The following ZNRF1 variants were observed in gnomAD, a reference collection of about 807,000 sequenced individuals.
The protein encoded by ZNRF1 is E3 ubiquitin-protein ligase ZNRF1.
A neutral mutation model predicts 18.4 loss-of-function variants in ZNRF1; 3 were observed. That is an observed-to-expected ratio of 0.16 (90% CI 0.07 to 0.42). ZNRF1 has a LOEUF of 0.42. Among genes scored for constraint, ZNRF1 ranks in the 10% least tolerant of loss-of-function variants. The pLI, the probability that ZNRF1 is intolerant of heterozygous loss-of-function variation, is 0.99. For synonymous variants in ZNRF1, 157 were observed against 144.2 expected, an observed-to-expected ratio of 1.09 and a Z score of -0.64; for missense variants, 310 against 329.8, an observed-to-expected ratio of 0.94 and a Z score of 0.47.
In ZNRF1 at chr16:75,101,134, A is replaced by C. The variant is rs552234888; in HGVS notation, c.521-3650A>C. Among the ~76,000 whole-genome samples the C allele has an allele frequency of 1.5e-3, 235 of 152,218 alleles. 3 individuals are homozygous for C. The highest frequency in any genetic ancestry group is 6.2e-4 in the Non-Finnish European group (42 of 67,994). On this transcript the variant is annotated intron_variant, in intron 2 of 4. Coordinates refer to ENST00000335325, the MANE Select transcript of ZNRF1 (RefSeq NM_032268.5). ...TTTTTAATAGAGACAGACTTTCACC[A>C]TGTTGGCCAGGCTGGTCTCAAACTC...
intron 1 of ZNRF1, among the ~76,000 whole-genome samples, chr16:75,000,691 C>T (rs12934479): frequency 0.31 from 47,294 of 152,082 alleles, 8,389 homozygotes; most frequent in East Asian, 0.61. Context: ...GAGGGCCCAG[C>T]CGGCGAGTCT....
intron 1 of ZNRF1, among the ~76,000 whole-genome samples, chr16:75,028,712 A>G (rs901042377): frequency 5.3e-5 from 8 of 152,220 alleles, no homozygotes; most frequent in African/African-American, 1.9e-4. Context: ...TCATCACTCA[A>G]TTGAAACAGC....
chr16:75,004,696 C>T (rs2034895906), intron 1 of ZNRF1, among the ~76,000 whole-genome samples: 1 of 152,148 alleles, frequency 6.6e-6, no homozygotes, highest in South Asian at 2.1e-4. Context: ...TCACTGTAGC[C>T]TCAAACTCTT....
chr16:75,003,696 C>G (rs562454937), intron 1 of ZNRF1, among the ~76,000 whole-genome samples: 1 of 152,268 alleles, frequency 6.6e-6, no homozygotes, highest in African/African-American at 2.4e-5. Flanking sequence ...CGCTGGCCTA[C>G]GAGTCAGAGT....
chr16:75,077,414 C>T (rs767357659), intron 1 of ZNRF1, among the ~76,000 whole-genome samples: 7 of 152,262 alleles, frequency 4.6e-5, no homozygotes, highest in African/African-American at 7.2e-5. Flanking sequence ...TGCCTGTAGT[C>T]CCAGCTATTC....
At chr16:75,104,763 T>A in intron 2 of ZNRF1, 21 bp from the exon 3 acceptor site, 1 of 1,578,484 alleles carries the variant, frequency 6.3e-7, no homozygotes, top group Non-Finnish European at 8.6e-7. Flanking sequence ...CCTCCTGCAC[T>A]CTCCCCTGTC....
At chr16:75,005,570 C>G (rs1472893656) in intron 1 of ZNRF1, among the ~76,000 whole-genome samples, 1 of 152,188 alleles carries the variant, frequency 6.6e-6, no homozygotes, top group African/African-American at 2.4e-5. Context: ...ATAGTAGTTA[C>G]TCCCTATCCA....
chr16:75,012,201 A>G (rs1230765171), intron 1 of ZNRF1, among the ~76,000 whole-genome samples: 1 of 152,252 alleles, frequency 6.6e-6, no homozygotes, highest in Non-Finnish European at 1.5e-5. Flanking sequence ...ACAGCAGAAT[A>G]GAACAGAGAA....
intron 1 of ZNRF1, among the ~76,000 whole-genome samples, chr16:75,074,616 C>T (rs1018493725): frequency 7.2e-5 from 11 of 152,154 alleles, no homozygotes; most frequent in Admixed American, 1.3e-4. Flanking sequence ...CAAGACGACA[C>T]GCTTGAACTG....
At chr16:75,025,653 C>A (rs1234538752) in intron 1 of ZNRF1, among the ~76,000 whole-genome samples, 1 of 152,208 alleles carries the variant, frequency 6.6e-6, no homozygotes, top group African/African-American at 2.4e-5. Context: ...ACCCCCACTG[C>A]AGAGGACATT....
At chr16:75,019,162 C>CA (rs1384654061) in intron 1 of ZNRF1, among the ~76,000 whole-genome samples, 3 of 151,252 alleles carry the variant, frequency 2.0e-5, no homozygotes, top group Admixed American at 2.0e-4. Context: ...TGAGACGTCT[C>CA]AAAAAACAAA....
At chr16:75,049,253 C>G (rs1389702961) in intron 1 of ZNRF1, among the ~76,000 whole-genome samples, 1 of 152,144 alleles carries the variant, frequency 6.6e-6, no homozygotes, top group Non-Finnish European at 1.5e-5. Context: ...GATCTGCCCG[C>G]TTTGGCCCCC....
In ZNRF1 at chr16:75,023,738, A is replaced by G. The variant is rs545833113; in HGVS notation, c.424+23643A>G. ...AAAGGTCACACCAGCCTGGGCCCCA[A>G]CAAGCTATGTAGGAGGGAAGAGCCA... On this transcript the variant is annotated intron_variant, in intron 1 of 4. Coordinates refer to ENST00000335325, the MANE Select transcript of ZNRF1 (RefSeq NM_032268.5). Among the ~76,000 whole-genome samples, 22 of 152,130 alleles carry G rather than the reference A, an allele frequency of 1.4e-4. No individual in the cohort carries two copies. The South Asian group carries it at 3.5e-3, about 24-fold the overall frequency.
chr16:75,094,831 G>C (rs1375111349), intron 2 of ZNRF1, among the ~76,000 whole-genome samples: 1 of 152,196 alleles, frequency 6.6e-6, no homozygotes. Context: ...ACTAGACCAG[G>C]CAGTGGATCT....
At chr16:75,027,008 A>G (rs1026712635) in intron 1 of ZNRF1, among the ~76,000 whole-genome samples, 1 of 152,172 alleles carries the variant, frequency 6.6e-6, no homozygotes, top group African/African-American at 2.4e-5. Context: ...CAATTATTGA[A>G]TCCTCACCCC....
intron 1 of ZNRF1, among the ~76,000 whole-genome samples, chr16:75,034,645 T>G (rs1334810785): frequency 6.6e-6 from 1 of 152,192 alleles, no homozygotes; most frequent in Non-Finnish European, 1.5e-5. Flanking sequence ...TTAATTTTTT[T>G]GAGGCAGTGC....
chr16:75,009,373 C>G (rs550642623), intron 1 of ZNRF1, among the ~76,000 whole-genome samples: 1 of 152,122 alleles, frequency 6.6e-6, no homozygotes, highest in Non-Finnish European at 1.5e-5. Context: ...TAAGTGGACT[C>G]GTACAGTATT....
intron 1 of ZNRF1, among the ~76,000 whole-genome samples, chr16:75,024,373 T>A (rs1485047245): frequency 6.6e-6 from 1 of 152,172 alleles, no homozygotes. Context: ...TTTTAAAAAG[T>A]CTATTGTGAG....
At chr16:75,047,082 T>A (rs752303930) in intron 1 of ZNRF1, among the ~76,000 whole-genome samples, 40 of 152,222 alleles carry the variant, frequency 2.6e-4, no homozygotes, top group Admixed American at 1.9e-3. Flanking sequence ...AAGCATTATG[T>A]TTTTGAGATG....
Sources: gnomAD v4.1 joint callset for allele counts (sites outside exome capture counted in the v4.1 genomes callset) on GRCh38, gnomAD v4.1.1 for gene constraint, MANE v1.5 for transcripts, NCBI Gene and HGNC (gene_info 2026-07-23, HGNC 2026-07-21) for gene names.